The following DTNA variants were observed in gnomAD, a reference collection of about 807,000 sequenced individuals.
DTNA encodes dystrobrevin alpha, also known as dystrophin-related protein 3.
A neutral mutation model predicts 100.7 loss-of-function variants in DTNA; 43 were observed. That is an observed-to-expected ratio of 0.43 (90% CI 0.33 to 0.55). The LOEUF is 0.55. Among genes scored for constraint, DTNA ranks in the 20% least tolerant of loss-of-function variants. The pLI is 0.04. For synonymous variants in DTNA, 349 were observed against 347.9 expected (o/e 1.00, Z -0.04); for missense variants, 798 against 953.9 (o/e 0.84, Z 2.15).
At chr18:34,746,834 G>A (rs183472481) in intron 1 of DTNA, among the ~76,000 whole-genome samples, 1 of 152,116 alleles carries the variant, frequency 6.6e-6, no homozygotes, top group Non-Finnish European at 1.5e-5. Context: ...CATAGTAAGG[G>A]GGAGGTGTGG....
intron 1 of DTNA, among the ~76,000 whole-genome samples, chr18:34,529,885 C>T (rs1255599141): frequency 6.6e-6 from 1 of 152,100 alleles, no homozygotes; most frequent in Non-Finnish European, 1.5e-5. Context: ...GAATATGCTT[C>T]AGAAGTACCT....
In DTNA at chr18:34,784,935, CT is replaced by C. The variant is rs570123829; in HGVS notation, c.149-9086del. Reference sequence around the variant, plus strand: ...GCAACTAGTGATACACTGAAATATTCTTTTTTTTTTTTTTTTGAGATGGAGT... The same window carrying C: ...GCAACTAGTGATACACTGAAATATTCTTTTTTTTTTTTTTTGAGATGGAGT... On this transcript the variant is annotated intron_variant, in intron 3 of 22. Coordinates refer to ENST00000444659, the MANE Select transcript of DTNA (RefSeq NM_001386795.1). Among the ~76,000 whole-genome samples the C allele has an allele frequency of 8.2e-3, 1,136 of 138,472 alleles. 8 individuals are homozygous for C. The highest frequency in any genetic ancestry group is 0.019 in the African/African-American group (732 of 37,888). The allele number at this position is 138,472 out of a possible 152,430, so 90.8% of individuals were successfully genotyped here. A position where few individuals can be genotyped will look rare whatever the true frequency, so the allele number is the denominator to read the frequency against.
chr18:34,862,108 C>A (rs1186492436), intron 16 of DTNA, among the ~76,000 whole-genome samples: 1 of 134,306 alleles, frequency 7.4e-6, no homozygotes, highest in African/African-American at 2.9e-5. Flanking sequence ...CCTGGAACAC[C>A]ATACACAGAC....
intron 1 of DTNA, among the ~76,000 whole-genome samples, chr18:34,628,306 G>A (rs2057612895): frequency 6.6e-6 from 1 of 152,158 alleles, no homozygotes; most frequent in Non-Finnish European, 1.5e-5. Flanking sequence ...ATAGCTGTGT[G>A]CTAAATCAGT....
At chr18:34,798,631 T>C (rs969657029) in intron 4 of DTNA, among the ~76,000 whole-genome samples, 4 of 152,186 alleles carry the variant, frequency 2.6e-5, no homozygotes, top group Admixed American at 1.3e-4. Flanking sequence ...TTTTAGCAAA[T>C]AACATTATCA....
chr18:34,684,078 A>C (rs977691790), intron 1 of DTNA, among the ~76,000 whole-genome samples: 40 of 152,096 alleles, frequency 2.6e-4, no homozygotes, highest in African/African-American at 9.4e-4. Flanking sequence ...TCTTAATGTC[A>C]CGTTGGGAGA....
chr18:34,800,607 C>T (rs1292052839), intron 4 of DTNA, among the ~76,000 whole-genome samples: 2 of 152,184 alleles, frequency 1.3e-5, no homozygotes, highest in East Asian at 3.8e-4. Flanking sequence ...ATCAAAAATG[C>T]TTACCAAATG....
chr18:34,613,669 G>C (rs372554366), intron 1 of DTNA, among the ~76,000 whole-genome samples: 1 of 152,178 alleles, frequency 6.6e-6, no homozygotes, highest in Non-Finnish European at 1.5e-5. Flanking sequence ...TCCAGCTCAA[G>C]GCCCTAACTC....
chr18:34,777,785 G>A (rs553282618), intron 3 of DTNA, among the ~76,000 whole-genome samples: 2 of 152,182 alleles, frequency 1.3e-5, no homozygotes, highest in African/African-American at 4.8e-5. Context: ...TGATCCAATC[G>A]CCTCCCTCAC....
At chr18:34,705,502 G>T (rs748723220), upstream of DTNA, among the ~76,000 whole-genome samples, 15 of 152,132 alleles carry the variant, frequency 9.9e-5, no homozygotes, top group Non-Finnish European at 2.1e-4. Context: ...AAAGAACTCT[G>T]TTTCCTTTCT....
At chr18:34,649,372 T>C (rs1236319579) in intron 1 of DTNA, among the ~76,000 whole-genome samples, 2 of 152,208 alleles carry the variant, frequency 1.3e-5, no homozygotes, top group African/African-American at 4.8e-5. Context: ...GAGGGACTGG[T>C]GAATTTCCTG....
At chr18:34,678,037 T>C (rs1460079481) in intron 1 of DTNA, among the ~76,000 whole-genome samples, 1 of 152,118 alleles carries the variant, frequency 6.6e-6, no homozygotes, top group Non-Finnish European at 1.5e-5. Flanking sequence ...TCCTTCTTCA[T>C]GTAGCAGCAG....
intron 1 of DTNA, among the ~76,000 whole-genome samples, chr18:34,679,917 C>G (rs2077860063): frequency 6.6e-6 from 1 of 152,056 alleles, no homozygotes; most frequent in Non-Finnish European, 1.5e-5. Context: ...ATACTTCATT[C>G]TATTCTAAAG....
chr18:34,663,745 C>G (rs60798178), intron 1 of DTNA, among the ~76,000 whole-genome samples: 1 of 152,070 alleles, frequency 6.6e-6, no homozygotes, highest in African/African-American at 2.4e-5. Context: ...TTCAAACTTT[C>G]AAGTAGAAAT....
chr18:34,758,408 C>A (rs1464806814), intron 2 of DTNA, among the ~76,000 whole-genome samples: 4 of 152,182 alleles, frequency 2.6e-5, no homozygotes, highest in Non-Finnish European at 5.9e-5. Flanking sequence ...GCAGGGAAGA[C>A]TTTTATCCAA....
intron 1 of DTNA, among the ~76,000 whole-genome samples, chr18:34,599,436 A>G (rs2051315323): frequency 6.6e-6 from 1 of 152,120 alleles, no homozygotes; most frequent in African/African-American, 2.4e-5. Flanking sequence ...TTGAACTCCT[A>G]CCTTTTGTTC....
upstream of DTNA, among the ~76,000 whole-genome samples, chr18:34,706,218 G>A (rs563451033): frequency 6.6e-6 from 1 of 152,278 alleles, no homozygotes; most frequent in Non-Finnish European, 1.5e-5. Context: ...AAAGTGCTGG[G>A]ATTACAGGCA....
rs867940572 is a variant in DTNA, at chr18:34,756,002, G to A, written c.26G>A (p.Gly9Glu). The A allele has an allele frequency of 6.2e-7, 1 of 1,613,362 alleles. No individual in the cohort carries two copies. Among genetic ancestry groups the A allele is most frequent in the Non-Finnish European group, 8.5e-7 (1 of 1,179,618 alleles). The change falls in exon 2 of 23, where the codon GGA becomes GAA. Residue 9 changes from glycine (G) to glutamate (E), a missense_variant. By Grantham distance (98) the Gly-to-Glu change is moderately conservative. Around this residue, in one of 6 missense-constraint regions of DTNA, gnomAD observed 197 missense variants for 215.4 expected, o/e 0.91. Coordinates refer to ENST00000444659, the MANE Select transcript of DTNA (RefSeq NM_001386795.1). The stretch of plus-strand genomic sequence containing the variant: ...ATGATTGAAGATAGTGGGAAAAGAG[G>A]AAATACCATGGCAGAAAGAAGACAG... MIEDSGKR[G>E]NTMAERRQLF...
At chr18:34,763,354 AT>A (rs922082124) in intron 2 of DTNA, among the ~76,000 whole-genome samples, 2 of 152,188 alleles carry the variant, frequency 1.3e-5, no homozygotes, top group Non-Finnish European at 2.9e-5. Context: ...ACTAGGAAAG[AT>A]TTTTGAAGTT....
Sources: allele counts gnomAD v4.1 joint callset (sites outside exome capture counted in the v4.1 genomes callset), GRCh38; gene constraint gnomAD v4.1.1; regional missense constraint gnomAD v4.1.1; transcripts MANE v1.5; gene names NCBI Gene and HGNC (gene_info 2026-07-23, HGNC 2026-07-21).